Variants in KIF13A observed in about 807,000 individuals in gnomAD.
KIF13A encodes the protein kinesin family member 13A.
KIF13A carries 79 observed loss-of-function variants against 212.2 expected under a neutral mutation model. The ratio of observed to expected loss-of-function variants is 0.37; its 90% CI spans 0.31 to 0.45. The LOEUF (loss-of-function observed/expected upper bound fraction) is 0.45. KIF13A is among the 20% of genes least tolerant of loss of function. The pLI, the probability that KIF13A is intolerant of heterozygous loss-of-function variation, is 1.00. For missense variants in KIF13A, 1,901 were observed against 2,209.0 expected (o/e 0.86, Z 2.79); for synonymous variants, 789 against 808.6 (o/e 0.98, Z 0.41).
rs1774871851 is a variant in KIF13A, at chr6:17,919,643, G to A, written c.147-21463C>T. Reference sequence around the variant, plus strand: ...TGCTTTACCTACCCTGATTTGACCTGTTCTATTATCTAGTTTTCCAGCACA... The same window carrying A: ...TGCTTTACCTACCCTGATTTGACCTATTCTATTATCTAGTTTTCCAGCACA... On this transcript the variant is annotated intron_variant, in intron 2 of 38. Transcript: ENST00000259711. This position sits in a 1 kb window ranked among gnomAD's most constrained non-coding sequence, Gnocchi z 4.1. Among the ~76,000 whole-genome samples the A allele has an allele frequency of 6.6e-6, 1 of 152,152 alleles. No homozygotes were observed. The highest frequency in any genetic ancestry group is 2.4e-5 in the African/African-American group (1 of 41,412).
intron 2 of KIF13A, among the ~76,000 whole-genome samples, chr6:17,939,644 G>A (rs1420472562): frequency 6.6e-6 from 1 of 152,198 alleles, no homozygotes; most frequent in Non-Finnish European, 1.5e-5. Flanking sequence ...TGATAAAACA[G>A]CATGAGGTAA....
chr6:17,836,831 C>A (rs778896845), intron 11 of KIF13A, 47 bp downstream of exon 11: 1 of 1,568,508 alleles, frequency 6.4e-7, no homozygotes. Flanking sequence ...AGTCAAATCC[C>A]GCAAGCCAGG....
chr6:17,951,178 A>T lies in KIF13A; in HGVS notation c.146+35876T>A, dbSNP rs925930701. 8.1e-7 allele frequency: 1 copy of T among 1,236,428 alleles called. No individual in the cohort carries two copies. Among genetic ancestry groups the T allele is most frequent in the Non-Finnish European group, 1.0e-6 (1 of 986,806 alleles). 76.6% of individuals were successfully genotyped at this position (1,236,428 alleles called of 1,614,324 possible). A position where few individuals can be genotyped will look rare whatever the true frequency, so the allele number is the denominator to read the frequency against. ...TTTAATTTTTTATTTTTTTGAAGAC[A>T]GGGTCTGGCTCTGTCACCCAGGCTG... On this transcript the variant is annotated intron_variant, in intron 2 of 38. Coordinates refer to ENST00000259711, the MANE Select transcript of KIF13A (RefSeq NM_022113.6). The surrounding 1 kb of genome is among the most constrained non-coding windows in gnomAD (Gnocchi z 4.9).
chr6:17,818,452 T>C (rs1764143981), intron 16 of KIF13A, among the ~76,000 whole-genome samples: 1 of 152,218 alleles, frequency 6.6e-6, no homozygotes, highest in Non-Finnish European at 1.5e-5. Flanking sequence ...GAGAAAAAGA[T>C]AGCATGTTAG....
intron 4 of KIF13A, among the ~76,000 whole-genome samples, chr6:17,861,481 C>CT (rs1319732817): frequency 6.6e-6 from 1 of 152,152 alleles, no homozygotes; most frequent in Admixed American, 6.5e-5. Context: ...TTTATTCTTA[C>CT]ATGTTTACCT....
intron 3 of KIF13A, among the ~76,000 whole-genome samples, chr6:17,885,387 G>A (rs1249268295): frequency 6.6e-6 from 1 of 152,196 alleles, no homozygotes; most frequent in African/African-American, 2.4e-5. Flanking sequence ...TTTTGGCAAT[G>A]TAATTAATCA....
chr6:17,873,090 T>C (rs1253227085), intron 4 of KIF13A, among the ~76,000 whole-genome samples: 1 of 152,202 alleles, frequency 6.6e-6, no homozygotes, highest in Non-Finnish European at 1.5e-5. Flanking sequence ...TCATAAATTA[T>C]AAAACAGCAG....
intron 18 of KIF13A, among the ~76,000 whole-genome samples, chr6:17,806,765 G>A (rs1762984762): frequency 6.6e-6 from 1 of 152,176 alleles, no homozygotes; most frequent in Non-Finnish European, 1.5e-5. Flanking sequence ...TGTAATCCCA[G>A]CCACTTGGGA....
chr6:17,835,791 T>C (rs1562035585), intron 11 of KIF13A, among the ~76,000 whole-genome samples: 1 of 152,230 alleles, frequency 6.6e-6, no homozygotes, highest in Non-Finnish European at 1.5e-5. Context: ...TACTTTTTGA[T>C]AAAATATGCT....
chr6:17,823,077 C>T (rs150265993), intron 16 of KIF13A, among the ~76,000 whole-genome samples: 4,185 of 151,456 alleles, frequency 0.028, 206 homozygotes, highest in African/African-American at 0.097. Context: ...ACTCTTATTG[C>T]CCAGGCTGGA....
chr6:17,986,813 C>T lies in KIF13A; in HGVS notation c.146+241G>A, dbSNP rs1016149280. The stretch of plus-strand genomic sequence containing the variant: ...TCCCTCCCGGGTGCCTCGCAGCCCG[C>T]CCGGGCTCAGCTGACTGGTGCTGTG... On this transcript the variant is annotated intron_variant, in intron 2 of 38. Coordinates refer to ENST00000259711, the MANE Select transcript of KIF13A (RefSeq NM_022113.6). Among the ~76,000 whole-genome samples the T allele has an allele frequency of 3.3e-5, 5 of 152,248 alleles. No homozygotes were observed. In the East Asian group the frequency reaches 9.6e-4, roughly 29 times the overall value.
At position 17,817,143 on chromosome 6, in the gene KIF13A, C is replaced by T. The variant is rs776913211; in HGVS notation, c.1877G>A (p.Arg626Gln). ...CTGCTGGCGGAGTTGCTCCAGTTCC[C>T]GCTCATACATGAGCCGCTGCTCCTC... Reference protein sequence around the residue: ...ALEEQRLMYERELEQLRQQLS... With the variant: ...ALEEQRLMYEQELEQLRQQLS... The change falls in exon 17 of 39, where the codon CGG becomes CAG. Residue 626 changes from arginine to glutamine, a missense_variant. Arg to Gln is a conservative substitution (Grantham distance 43). Coordinates refer to ENST00000259711, the MANE Select transcript of KIF13A (RefSeq NM_022113.6). 7 of 1,614,028 alleles carry T rather than the reference C, an allele frequency of 4.3e-6. No homozygotes were observed. Among genetic ancestry groups the T allele is most frequent in the Admixed American group, 1.7e-5 (1 of 60,030 alleles).
chr6:17,805,359 G>A (rs1392963353), intron 19 of KIF13A, 116 bp downstream of exon 19: 24 of 837,212 alleles, frequency 2.9e-5, no homozygotes, highest in Non-Finnish European at 3.7e-5. Context: ...AACGTATCAT[G>A]AGCACATCTC....
chr6:17,835,492 T>A (rs1441520129), intron 11 of KIF13A, among the ~76,000 whole-genome samples: 1 of 152,116 alleles, frequency 6.6e-6, no homozygotes, highest in Non-Finnish European at 1.5e-5. Flanking sequence ...TATCTGAAAA[T>A]TATACTTTAT....
intron 12 of KIF13A, 105 bp from the exon 13 acceptor site, chr6:17,831,340 G>C: frequency 8.0e-7 from 1 of 1,254,404 alleles, no homozygotes; most frequent in Non-Finnish European, 1.1e-6. Flanking sequence ...AATGCCAATG[G>C]GATTACACAT....
In KIF13A at chr6:17,967,771, T is replaced by C. The variant is rs1177134163; in HGVS notation, c.146+19283A>G. 6.6e-6 allele frequency among the ~76,000 whole-genome samples: 1 copy of C among 152,188 alleles called. No individual in the cohort carries two copies. Among genetic ancestry groups the C allele is most frequent in the Non-Finnish European group, 1.5e-5 (1 of 68,034 alleles). On this transcript the variant is annotated intron_variant, in intron 2 of 38. Coordinates refer to ENST00000259711, the MANE Select transcript of KIF13A (RefSeq NM_022113.6). This position sits in a 1 kb window ranked among gnomAD's most constrained non-coding sequence, Gnocchi z 4.1. ...GCTCTGATTTCTGAACCAAGAAGGC[T>C]CAACCATGGGACTAGGACCCGCTGA...
chr6:17,867,591 C>T lies in KIF13A; in HGVS notation c.220+5786G>A, dbSNP rs77900917. ...GAGGTGCTGTTATTATTGCCTACAG[C>T]CACACAGTTGGGAAGTGGCAGAGGC... On this transcript the variant is annotated intron_variant, in intron 4 of 38. Coordinates refer to ENST00000259711, the MANE Select transcript of KIF13A (RefSeq NM_022113.6). Among the ~76,000 whole-genome samples the T allele has an allele frequency of 5.6e-3, 853 of 152,270 alleles. 13 individuals carry two copies. The highest frequency in any genetic ancestry group is 0.019 in the African/African-American group (790 of 41,562).
intron 2 of KIF13A, among the ~76,000 whole-genome samples, chr6:17,977,328 A>T (rs1780653419): frequency 6.6e-6 from 1 of 152,166 alleles, no homozygotes; most frequent in Non-Finnish European, 1.5e-5. Flanking sequence ...TATCTTCACT[A>T]TAATGTAAGA....
At chr6:17,932,168 A>G (rs920129172) in intron 2 of KIF13A, among the ~76,000 whole-genome samples, 1 of 152,182 alleles carries the variant, frequency 6.6e-6, no homozygotes, top group African/African-American at 2.4e-5. Flanking sequence ...ACACACAGAT[A>G]CACACACATA....
Sources: allele counts gnomAD v4.1 joint callset (sites outside exome capture counted in the v4.1 genomes callset), GRCh38; gene constraint gnomAD v4.1.1; non-coding constraint Gnocchi (gnomAD v3.1); transcripts MANE v1.5; gene names NCBI Gene and HGNC (gene_info 2026-07-23, HGNC 2026-07-21).